Variants in CAND1 observed in about 807,000 individuals in gnomAD.
The protein encoded by CAND1 is cullin associated and neddylation dissociated 1.
Under a neutral mutation model 108.5 loss-of-function variants are expected in CAND1, and 7 were observed. The observed-to-expected ratio is 0.06, with a 90% CI of 0.04 to 0.12. The LOEUF (loss-of-function observed/expected upper bound fraction) is 0.12. Among genes scored for constraint, CAND1 ranks in the 10% least tolerant of loss-of-function variants. The probability of loss-of-function intolerance (pLI) is 1.00; values close to 1 mark genes in which losing one functional copy is unlikely to be tolerated. For missense variants in CAND1, 941 were observed against 1,448.7 expected, an observed-to-expected ratio of 0.65 and a Z score of 5.69; for synonymous variants, 534 against 512.0, an observed-to-expected ratio of 1.04 and a Z score of -0.58.
At chr12:67,270,357 T>TGGGAAGAAGGGGGAGGGGAGCC (rs2044508430) in intron 1 of CAND1, 2 of 152,336 alleles carry the variant, frequency 1.3e-5, no homozygotes, top group African/African-American at 4.8e-5. Context: ...TTCGTGAAGG[T>TGGGAAGAAGGGGGAGGGGAGCC]GGGAAGAAGG....
At chr12:67,289,691 C>G (rs912506171) in intron 2 of CAND1, among the ~76,000 whole-genome samples, 1 of 152,192 alleles carries the variant, frequency 6.6e-6, no homozygotes, top group African/African-American at 2.4e-5. Context: ...AGCTAGAACT[C>G]TTTAAATTCA....
rs1592631095 is a variant in CAND1, at chr12:67,317,657, A to G, written c.*4827A>G. 6.6e-6 allele frequency: 1 copy of G among 151,406 alleles called. No homozygotes were observed. The highest frequency in any genetic ancestry group is 2.4e-5 in the African/African-American group (1 of 41,282). The allele number at this position is 151,406 out of a possible 1,614,324, so 9.4% of individuals were successfully genotyped here. On this transcript the variant is annotated 3_prime_UTR_variant, in exon 15 of 15. Coordinates refer to ENST00000545606, the MANE Select transcript of CAND1 (RefSeq NM_018448.5). ...GCCACCATGCCCAGCTAATTTTTGT[A>G]TTTTTAGTAGAGATGGAGTTTTGCC...
chr12:67,306,679 C>A, intron 10 of CAND1, 82 bp downstream of exon 10: 2 of 1,065,710 alleles, frequency 1.9e-6, no homozygotes, highest in Non-Finnish European at 2.7e-6. Context: ...AGAAGTTAAG[C>A]CATGTCTATA....
intron 3 of CAND1, among the ~76,000 whole-genome samples, chr12:67,294,632 T>C (rs989511245): frequency 4.6e-5 from 7 of 152,240 alleles, no homozygotes; most frequent in Non-Finnish European, 8.8e-5. Context: ...ACTAGTTATC[T>C]ATAATATCTA....
Position 67,306,000 on chromosome 12 carries a change from A to G in CAND1, c.2332A>G (p.Met778Val), listed in dbSNP as rs2044879731. The part of the protein sequence containing the change: ...NNLGYMDLLR[M>V]LTGPVYSQST... ...TTTAGGATACATGGATTTGTTGCGC[A>G]TGCTGACTGGTCCAGTTTACTCTCA... Residue 778 changes from methionine to valine, a missense_variant, in exon 10 of 15, where the codon ATG becomes GTG. Met to Val is a conservative substitution (Grantham distance 21). Transcript: ENST00000545606. The surrounding 1 kb of genome is among the most constrained non-coding windows in gnomAD (Gnocchi z 4.4). 6.2e-7 allele frequency: 1 copy of G among 1,614,152 alleles called. No individual in the cohort carries two copies. The highest frequency in any genetic ancestry group is 8.5e-7 in the Non-Finnish European group (1 of 1,180,006).
chr12:67,290,684 T>A (rs2136003403), intron 2 of CAND1, among the ~76,000 whole-genome samples: 1 of 152,268 alleles, frequency 6.6e-6, no homozygotes, highest in Non-Finnish European at 1.5e-5. Context: ...AACCAGATGG[T>A]TAAGTTTTTG....
Position 67,302,534 on chromosome 12 carries a change from A to T in CAND1, c.1212A>T (p.Gln404His). 6.2e-7 allele frequency: 1 copy of T among 1,614,168 alleles called. No individual in the cohort carries two copies. The highest frequency in any genetic ancestry group is 8.5e-7 in the Non-Finnish European group (1 of 1,179,988). Residue 404 changes from glutamine (Q) to histidine (H), a missense_variant, in exon 8 of 15, where the codon CAA (glutamine) becomes CAT (histidine). Around this residue, in one of 9 missense-constraint regions of CAND1, gnomAD observed 697 missense variants for 942.0 expected, o/e 0.74. Coordinates refer to ENST00000545606, the MANE Select transcript of CAND1 (RefSeq NM_018448.5). ...VFHAYLSLLK[Q>H]TRPVQSWLCD... ...ACGCATACCTTTCTCTTTTGAAGCA[A>T]ACTCGTCCTGTACAAAGTTGGCTAT... is the stretch of plus-strand genomic sequence containing the variant.
chr12:67,271,087 T>G (rs868063192), intron 1 of CAND1, among the ~76,000 whole-genome samples: 5 of 152,250 alleles, frequency 3.3e-5, no homozygotes, highest in Admixed American at 2.0e-4. Flanking sequence ...ACGTATTACT[T>G]TAAAAAATAT....
Position 67,312,953 on chromosome 12 carries a change from C to A in CAND1, c.*123C>A. On this transcript the variant is annotated 3_prime_UTR_variant, in exon 15 of 15. Coordinates refer to ENST00000545606, the MANE Select transcript of CAND1 (RefSeq NM_018448.5). ...CAAAATGTTCCACTTTTTTTTCCTT[C>A]ATGGAGACTGTTTGTTTGGCTTTCT... 3 of 576,494 alleles carry A rather than the reference C, an allele frequency of 5.2e-6. No homozygotes were observed. Among genetic ancestry groups the A allele is most frequent in the Non-Finnish European group, 8.8e-6 (3 of 340,736 alleles). 35.7% of individuals were successfully genotyped at this position (576,494 alleles called of 1,614,324 possible).
rs748655991 is a variant in CAND1 at position 67,305,561 on chromosome 12, A to G, written c.1893A>G (p.Ala631=). The G allele has an allele frequency of 6.2e-7, 1 of 1,614,176 alleles. No homozygotes were observed. The highest frequency in any genetic ancestry group is 8.5e-7 in the Non-Finnish European group (1 of 1,180,020). The change falls in exon 10 of 15, where the codon GCA becomes GCG. Residue 631 remains alanine (A), a synonymous_variant. Transcript: ENST00000545606. The surrounding 1 kb of genome is among the most constrained non-coding windows in gnomAD (Gnocchi z 4.4). ...TTACCAGGTTAACTACAGTAAAGGC[A>G]TTGACACTGATTGCTGGGTCACCTT... ...NEITRLTTVK[A]LTLIAGSPLK...
At chr12:67,287,478 C>T (rs1379869506) in intron 2 of CAND1, among the ~76,000 whole-genome samples, 1 of 152,100 alleles carries the variant, frequency 6.6e-6, no homozygotes, top group Non-Finnish European at 1.5e-5. Flanking sequence ...CAACCATGAA[C>T]CATAGTATCT....
chr12:67,307,623 T>C, intron 11 of CAND1, 131 bp downstream of exon 11: 3 of 632,054 alleles, frequency 4.7e-6, no homozygotes, highest in Non-Finnish European at 8.3e-6. Context: ...AAAATTGATA[T>C]GATCTTACAA....
At chr12:67,291,866 T>A (rs946110114) in intron 2 of CAND1, among the ~76,000 whole-genome samples, 56 of 152,072 alleles carry the variant, frequency 3.7e-4, no homozygotes, top group Admixed American at 7.2e-4. Context: ...CTAATTCGCC[T>A]ATTGATTGAT....
chr12:67,305,023 C>A lies in CAND1; in HGVS notation c.1436-81C>A. Reference sequence around the variant, plus strand: ...TAATATAATGAAGTGGGAACATTAGCAGTACTATAGGGGTTGATTTTTAAT... The same window carrying A: ...TAATATAATGAAGTGGGAACATTAGAAGTACTATAGGGGTTGATTTTTAAT... On this transcript the variant is annotated intron_variant, in intron 9 of 14. Coordinates refer to ENST00000545606, the MANE Select transcript of CAND1 (RefSeq NM_018448.5). This position sits in a 1 kb window ranked among gnomAD's most constrained non-coding sequence, Gnocchi z 4.4. 1 of 1,124,190 alleles carries A rather than the reference C, an allele frequency of 8.9e-7. No homozygotes were observed. The highest frequency in any genetic ancestry group is 1.3e-6 in the Non-Finnish European group (1 of 792,398). The allele number at this position is 1,124,190 out of a possible 1,614,324, so 69.6% of individuals were successfully genotyped here. A position where few individuals can be genotyped will look rare whatever the true frequency, so the allele number is the denominator to read the frequency against.
chr12:67,306,198 G>A lies in CAND1; in HGVS notation c.2530G>A (p.Glu844Lys). 6.2e-7 allele frequency: 1 copy of A among 1,614,138 alleles called. No homozygotes were observed. Among genetic ancestry groups the A allele is most frequent in the Non-Finnish European group, 8.5e-7 (1 of 1,180,014 alleles). The change falls in exon 10 of 15, where the codon GAA (glutamate) becomes AAA (lysine). Residue 844 changes from glutamate (E) to lysine (K), a missense_variant. Transcript: ENST00000545606. ...TCTCTTAGCTCTACTTTCTCTTGGA[G>A]AAGTTGGGCATCATATTGACTTAAG... ...IRLLALLSLG[E>K]VGHHIDLSGQ...
At chr12:67,295,226 T>C (rs2044758484) in intron 4 of CAND1, 70 bp downstream of exon 4, 1 of 1,371,366 alleles carries the variant, frequency 7.3e-7, no homozygotes, top group East Asian at 2.5e-5. Flanking sequence ...AAACCCTTTC[T>C]AGTAAATATA....
At chr12:67,311,252 T>C (rs910447069) in intron 13 of CAND1, 2 of 136,922 alleles carry the variant, frequency 1.5e-5, no homozygotes, top group African/African-American at 2.6e-5. Flanking sequence ...TATCAGGTTT[T>C]ACATGGATTA....
chr12:67,292,498 T>C, intron 2 of CAND1, 124 bp from the exon 3 acceptor site: 1 of 625,446 alleles, frequency 1.6e-6, no homozygotes, highest in Non-Finnish European at 2.6e-6. Context: ...CTATTTATGA[T>C]ACAGACATGG....
chr12:67,270,023 C>G (rs2044504224), intron 1 of CAND1: 5 of 491,600 alleles, frequency 1.0e-5, no homozygotes, highest in East Asian at 7.9e-5. Flanking sequence ...CTCTAGGCCC[C>G]GTTTGCTTGT....
Sources: allele counts gnomAD v4.1 joint callset (sites outside exome capture counted in the v4.1 genomes callset), GRCh38; gene constraint gnomAD v4.1.1; regional missense constraint gnomAD v4.1.1; non-coding constraint Gnocchi (gnomAD v3.1); transcripts MANE v1.5; gene names NCBI Gene and HGNC (gene_info 2026-07-23, HGNC 2026-07-21).